Variants in DIAPH2 observed in about 807,000 individuals in gnomAD.
The protein encoded by DIAPH2 is protein diaphanous homolog 2.
Under a neutral mutation model 92.7 loss-of-function variants are expected in DIAPH2, and 35 were observed. The ratio of observed to expected loss-of-function variants is 0.38; its 90% confidence interval spans 0.29 to 0.50. DIAPH2 has a LOEUF of 0.50. Among genes scored for constraint, DIAPH2 ranks in the 20% least tolerant of loss-of-function variants. DIAPH2 has a pLI of 0.94. For missense variants in DIAPH2, 701 were observed against 819.5 expected (o/e 0.86, Z 1.77); for synonymous variants, 301 against 280.4 (o/e 1.07, Z -0.73).
At chrX:97,130,246 C>T (rs920254018) in intron 21 of DIAPH2, among the ~76,000 whole-genome samples, 20 of 111,908 alleles carry the variant, frequency 1.8e-4, no homozygotes, top group Admixed American at 7.6e-4. Context: ...CCAGCAATTC[C>T]ACTTCTGGGC....
intron 23 of DIAPH2, among the ~76,000 whole-genome samples, chrX:97,310,243 T>C (rs1370103814): frequency 2.7e-5 from 3 of 112,342 alleles, no homozygotes; most frequent in Non-Finnish European, 3.8e-5. Flanking sequence ...AGCAAAAATT[T>C]ATTAAGTGCC....
intron 23 of DIAPH2, among the ~76,000 whole-genome samples, chrX:97,329,459 C>T (rs1202539352): frequency 8.9e-6 from 1 of 111,860 alleles, no homozygotes; most frequent in African/African-American, 3.3e-5. Flanking sequence ...TATTGATATC[C>T]AGTAGAAGCA....
intron 26 of DIAPH2, among the ~76,000 whole-genome samples, chrX:97,458,460 C>T (rs763974677): frequency 1.8e-5 from 2 of 110,166 alleles, no homozygotes; most frequent in Non-Finnish European, 3.8e-5. Context: ...ATATTTTGTT[C>T]ATTGCATCCC....
At chrX:97,114,020 G>T (rs1436102077) in intron 20 of DIAPH2, among the ~76,000 whole-genome samples, 1 of 111,572 alleles carries the variant, frequency 9.0e-6, no homozygotes, top group South Asian at 3.7e-4. Context: ...ATGTGCACCA[G>T]TGCTATGAAA....
At chrX:97,466,901 A>T (rs898587327) in intron 26 of DIAPH2, among the ~76,000 whole-genome samples, 4 of 112,279 alleles carry the variant, frequency 3.6e-5, no homozygotes, top group African/African-American at 1.3e-4. Flanking sequence ...GTATGTTTAT[A>T]TGTATTGCTG....
chrX:97,586,319 A>G, intron 26 of DIAPH2, among the ~76,000 whole-genome samples: 1 of 110,353 alleles, frequency 9.1e-6, no homozygotes, highest in Non-Finnish European at 1.9e-5. Flanking sequence ...CCAAACATAT[A>G]GGCTGGAAAT....
In DIAPH2 at chrX:97,297,665, A is replaced by G. The variant is rs1023495867; in HGVS notation, c.2844+49826A>G. ...AAACAGAGATTAAGAGAAAATTGCT[A>G]TGGTTCTACTGGTTTGGATAAATGG... On this transcript the variant is annotated intron_variant, in intron 23 of 26. Transcript: ENST00000324765. Among the ~76,000 whole-genome samples, 7 of 95,979 alleles carry G rather than the reference A, an allele frequency of 7.3e-5. No individual in the cohort carries two copies. The East Asian group carries it at 2.0e-3, about 27-fold the overall frequency. The allele number at this position is 95,979 out of a possible 115,157, so 83.3% of individuals were successfully genotyped here.
At chrX:97,160,003 G>T (rs1244171788) in intron 22 of DIAPH2, among the ~76,000 whole-genome samples, 1 of 105,475 alleles carries the variant, frequency 9.5e-6, no homozygotes, top group Non-Finnish European at 1.9e-5. Context: ...ATCACAAGGC[G>T]CCAAGCAAGG....
In DIAPH2 at chrX:97,601,103, A is replaced by G. The variant is rs2071592482; in HGVS notation, c.*1786A>G. On this transcript the variant is annotated 3_prime_UTR_variant, in exon 27 of 27. Coordinates refer to ENST00000324765, the MANE Select transcript of DIAPH2 (RefSeq NM_006729.5). ...GTAACACTGTTTTTTAACAACAACAAAAGTTTAGGTTCTAATTTATGTAAA... is the reference window on the plus strand; with the variant it reads ...GTAACACTGTTTTTTAACAACAACAGAAGTTTAGGTTCTAATTTATGTAAA... 1 of 112,501 alleles carries G rather than the reference A, an allele frequency of 8.9e-6. No individual in the cohort carries two copies. The highest frequency in any genetic ancestry group is 1.9e-5 in the Non-Finnish European group (1 of 53,220). The allele number at this position is 112,501 out of a possible 1,213,427, so 9.3% of individuals were successfully genotyped here.
At chrX:97,059,659 G>A (rs2066583485) in intron 17 of DIAPH2, among the ~76,000 whole-genome samples, 1 of 112,297 alleles carries the variant, frequency 8.9e-6, no homozygotes, top group Non-Finnish European at 1.9e-5. Flanking sequence ...TTACAATAAA[G>A]TAGGACAGAG....
intron 26 of DIAPH2, among the ~76,000 whole-genome samples, chrX:97,543,214 G>A (rs1258150058): frequency 1.8e-5 from 2 of 111,964 alleles, no homozygotes; most frequent in Non-Finnish European, 3.8e-5. Flanking sequence ...TCTCCAGAAG[G>A]GAGCTCAGGC....
intron 25 of DIAPH2, among the ~76,000 whole-genome samples, chrX:97,403,301 A>G (rs12859787): frequency 0.42 from 46,958 of 111,450 alleles, 8,392 homozygotes; most frequent in Non-Finnish European, 0.56. Flanking sequence ...GTCTTTTTCT[A>G]TCAATTCCAG....
chrX:97,517,907 A>G (rs1189996321), intron 26 of DIAPH2, among the ~76,000 whole-genome samples: 1 of 112,505 alleles, frequency 8.9e-6, no homozygotes, highest in Non-Finnish European at 1.9e-5. Flanking sequence ...GATGTTCATC[A>G]GACCCCAGAA....
At chrX:96,751,507 C>T (rs1163408703) in intron 3 of DIAPH2, among the ~76,000 whole-genome samples, 1 of 100,600 alleles carries the variant, frequency 9.9e-6, no homozygotes, top group Admixed American at 1.1e-4. Context: ...ACCCGGGAGG[C>T]GGAGCTTGCA....
chrX:97,303,287 G>GT lies in DIAPH2; in HGVS notation c.2845-44824dup, dbSNP rs1020147985. On this transcript the variant is annotated intron_variant, in intron 23 of 26. Transcript: ENST00000324765. ...TATGGTCTGCTTCCCAATTGTTTTT[G>GT]TTTTTCAATTCCATCCTGATACTGG... Among the ~76,000 whole-genome samples, 33 of 111,657 alleles carry GT rather than the reference G, an allele frequency of 3.0e-4. 1 individual carries two copies. Among genetic ancestry groups the GT allele is most frequent in the African/African-American group, 9.4e-4 (29 of 30,843 alleles).
chrX:97,185,351 A>G (rs867903665), intron 22 of DIAPH2, among the ~76,000 whole-genome samples: 1 of 2,079 alleles, frequency 4.8e-4, no homozygotes, highest in African/African-American at 1.6e-3. Flanking sequence ...GTATATATAT[A>G]TGTGTGTATA....
At chrX:97,185,517 A>ATATATATATATATATATATC (rs2067596655) in intron 22 of DIAPH2, among the ~76,000 whole-genome samples, 1 of 43,612 alleles carries the variant, frequency 2.3e-5, no homozygotes, top group African/African-American at 7.1e-5. Context: ...ATATATATAT[A>ATATATATATATATATATATC]TATCTCACTT....
intron 17 of DIAPH2, among the ~76,000 whole-genome samples, chrX:96,975,664 A>C (rs1259803126): frequency 9.0e-6 from 1 of 111,633 alleles, no homozygotes; most frequent in Non-Finnish European, 1.9e-5. Context: ...ACAGAAATTT[A>C]TTTCTCACGC....
rs779161571 is a variant in DIAPH2, at chrX:97,111,223, A to G, written c.2350-3503A>G. Among the ~76,000 whole-genome samples, 6 of 112,158 alleles carry G rather than the reference A, an allele frequency of 5.3e-5. No individual in the cohort carries two copies. In the East Asian group the frequency reaches 1.7e-3, roughly 31 times the overall value. On this transcript the variant is annotated intron_variant, in intron 20 of 26. Coordinates refer to ENST00000324765, the MANE Select transcript of DIAPH2 (RefSeq NM_006729.5). ...CTTTTCATCAAAACAAGACCGCTTT[A>G]CAGGAATTTCTCCCACTTTACGATG...
Sources: allele counts gnomAD v4.1 joint callset (sites outside exome capture counted in the v4.1 genomes callset), GRCh38; gene constraint gnomAD v4.1.1; transcripts MANE v1.5; gene names NCBI Gene and HGNC (gene_info 2026-07-23, HGNC 2026-07-21).